Variants in TLK1 observed in about 807,000 individuals in gnomAD.
TLK1 encodes tousled like kinase 1.
TLK1 carries 24 observed loss-of-function variants against 105.3 expected under a neutral mutation model. That is an observed-to-expected ratio of 0.23 (90% CI 0.17 to 0.32). The LOEUF is 0.32. Among genes scored for constraint, TLK1 ranks in the 10% least tolerant of loss-of-function variants. TLK1 has a pLI of 1.00. For synonymous variants in TLK1, 321 were observed against 310.4 expected (o/e 1.03, Z -0.36); for missense variants, 558 against 910.5 (o/e 0.61, Z 4.98).
chr2:171,061,029 C>T, intron 4 of TLK1, 52 bp downstream of exon 4: 1 of 1,524,398 alleles, frequency 6.6e-7, no homozygotes, highest in Non-Finnish European at 9.0e-7. Context: ...AAAATTAAAA[C>T]AATTAATTTT....
rs139561185 is a variant in TLK1 at position 171,212,208 on chromosome 2, G to T, written c.-6+18937C>A. Among the ~76,000 whole-genome samples the T allele has an allele frequency of 1.4e-3, 206 of 152,018 alleles. 3 individuals carry two copies. The East Asian group carries it at 0.026, about 20-fold the overall frequency. On this transcript the variant is annotated intron_variant, in intron 1 of 20. Coordinates refer to the TLK1 transcript ENST00000521943. ...CAGAAATCAATTAACATCTGCATAAGCTCAGCCTGGCCACTCCAGCAGCTG... is the reference window on the plus strand; with the variant it reads ...CAGAAATCAATTAACATCTGCATAATCTCAGCCTGGCCACTCCAGCAGCTG...
chr2:171,064,924 T>C (rs1426634024), intron 3 of TLK1, among the ~76,000 whole-genome samples: 1 of 152,210 alleles, frequency 6.6e-6, no homozygotes, highest in Non-Finnish European at 1.5e-5. Context: ...TCAAGAAGTG[T>C]AGTGATATAA....
intron 1 of TLK1, among the ~76,000 whole-genome samples, chr2:171,118,510 C>T (rs1467027313): frequency 1.3e-5 from 2 of 152,074 alleles, no homozygotes; most frequent in African/African-American, 2.4e-5. Flanking sequence ...AACACAAACA[C>T]GTTTACCACA....
At position 171,022,086 on chromosome 2, in the gene TLK1, A is replaced by ACACACACAC. The variant is rs1553605633; in HGVS notation, c.1236+6252_1236+6253insGTGTGTGTG. On this transcript the variant is annotated intron_variant, in intron 12 of 20. Transcript: ENST00000431350. ...CCACCACACTCCAGCCTGGGCGAAAAACACACACACACACACACACACACA... is the reference window on the plus strand; with the variant it reads ...CCACCACACTCCAGCCTGGGCGAAAACACACACACACACACACACACACACACACACACA... Among the ~76,000 whole-genome samples the ACACACACAC allele has an allele frequency of 7.0e-3, 719 of 103,074 alleles. 11 individuals carry two copies. The highest frequency in any genetic ancestry group is 7.0e-3 in the Non-Finnish European group (325 of 46,242). 67.6% of individuals were successfully genotyped at this position (103,074 alleles called of 152,430 possible). A position where few individuals can be genotyped will look rare whatever the true frequency, so the allele number is the denominator to read the frequency against.
intron 11 of TLK1, among the ~76,000 whole-genome samples, chr2:171,029,318 G>T (rs985656056): frequency 1.8e-4 from 27 of 152,240 alleles, no homozygotes; most frequent in African/African-American, 6.0e-4. Flanking sequence ...ATAAAAAAAT[G>T]CTAAAACTTT....
chr2:171,210,332 CGGCTATAGGAGAGAATGAA>C (rs1337546148), intron 1 of TLK1, among the ~76,000 whole-genome samples: 2 of 151,040 alleles, frequency 1.3e-5, no homozygotes, highest in East Asian at 3.9e-4. Context: ...GGCTAGAATG[CGGCTATAGGAGAGAATGAA>C]CTCCTGGGCT....
chr2:171,141,990 G>A (rs1691594701), intron 1 of TLK1, among the ~76,000 whole-genome samples: 1 of 152,048 alleles, frequency 6.6e-6, no homozygotes, highest in South Asian at 2.1e-4. Context: ...TAAACTATCT[G>A]GCAATAGTAT....
At chr2:171,180,540 T>C (rs1677875673) in intron 1 of TLK1, among the ~76,000 whole-genome samples, 1 of 152,230 alleles carries the variant, frequency 6.6e-6, no homozygotes, top group Admixed American at 6.5e-5. Context: ...TTAAATTTTA[T>C]ATATACTTTT....
At chr2:171,123,990 T>C (rs1690768110) in intron 1 of TLK1, among the ~76,000 whole-genome samples, 1 of 152,246 alleles carries the variant, frequency 6.6e-6, no homozygotes, top group South Asian at 2.1e-4. Flanking sequence ...TCATTTGATA[T>C]TTGCCTTTCA....
At chr2:171,131,563 A>C (rs1691107946) in intron 1 of TLK1, among the ~76,000 whole-genome samples, 1 of 152,192 alleles carries the variant, frequency 6.6e-6, no homozygotes, top group South Asian at 2.1e-4. Flanking sequence ...ACTTCTTTCA[A>C]TTATTATATT....
intron 11 of TLK1, among the ~76,000 whole-genome samples, chr2:171,039,054 A>G (rs1686520719): frequency 6.6e-6 from 1 of 152,138 alleles, no homozygotes; most frequent in Non-Finnish European, 1.5e-5. Context: ...TCAACCTTTT[A>G]TAACAACCAC....
Position 171,050,075 on chromosome 2 carries a change from G to C in TLK1, c.832C>G (p.Leu278Val), listed in dbSNP as rs564665685. The change falls in exon 9 of 21, where the codon CTT becomes GTT. Residue 278 changes from leucine to valine, a missense_variant. Leu to Val is a conservative substitution (Grantham distance 32, BLOSUM62 1). This residue lies in a region of TLK1 where 196 missense variants were observed against 239.3 expected (regional missense o/e 0.82). Coordinates refer to ENST00000431350, the MANE Select transcript of TLK1 (RefSeq NM_012290.5). ...AACTTTTAGCCTACCTTTTCAATAA[G>C]AAGTTTCTTGCTCATTGATATGCAC... ...NKCISMSKKL[L>V]IEKSTQEKLS... 3 of 1,602,848 alleles carry C rather than the reference G, an allele frequency of 1.9e-6. No individual in the cohort carries two copies. Among genetic ancestry groups the C allele is most frequent in the Non-Finnish European group, 2.6e-6 (3 of 1,173,224 alleles).
chr2:171,115,127 A>C (rs1690353776), intron 2 of TLK1, among the ~76,000 whole-genome samples: 1 of 151,354 alleles, frequency 6.6e-6, no homozygotes, highest in African/African-American at 2.4e-5. Flanking sequence ...TTATCTTTCA[A>C]GTACTGCATC....
chr2:171,011,363 C>T lies in TLK1; in HGVS notation c.1416+10G>A, dbSNP rs745668724. The T allele has an allele frequency of 2.5e-6, 4 of 1,592,518 alleles. No individual in the cohort carries two copies. In the South Asian group the frequency reaches 4.6e-5, roughly 18 times the overall value. ...TTAGTGTAAAAAAAACAGAATAAAACATACATTACCTTATACACTTCACTA... is the reference window on the plus strand; with the variant it reads ...TTAGTGTAAAAAAAACAGAATAAAATATACATTACCTTATACACTTCACTA... On this transcript the variant is annotated intron_variant, in intron 14 of 20. Transcript: ENST00000431350.
At chr2:171,101,804 T>TA (rs1486723923) in intron 2 of TLK1, among the ~76,000 whole-genome samples, 1 of 152,026 alleles carries the variant, frequency 6.6e-6, no homozygotes, top group Non-Finnish European at 1.5e-5. Context: ...TAGGTTTTTT[T>TA]AAAAAACACC....
intron 20 of TLK1, among the ~76,000 whole-genome samples, chr2:170,994,160 C>T (rs183296681): frequency 1.3e-5 from 2 of 152,252 alleles, no homozygotes; most frequent in Admixed American, 6.5e-5. Flanking sequence ...TGCAGTGGTT[C>T]ACTTTACAGT....
chr2:171,218,858 G>C (rs1693759724), intron 1 of TLK1, among the ~76,000 whole-genome samples: 1 of 152,194 alleles, frequency 6.6e-6, no homozygotes, highest in Non-Finnish European at 1.5e-5. Context: ...TAGACATTAA[G>C]TTTCAACCTA....
At chr2:171,128,417 T>C (rs908082589) in intron 1 of TLK1, among the ~76,000 whole-genome samples, 3 of 152,176 alleles carry the variant, frequency 2.0e-5, no homozygotes, top group African/African-American at 7.2e-5. Context: ...ACATACCTTA[T>C]AGAGTTGTTA....
At chr2:171,182,936 AAAGAAAG>A (rs1327542616) in intron 1 of TLK1, among the ~76,000 whole-genome samples, 63 of 119,300 alleles carry the variant, frequency 5.3e-4, no homozygotes, top group African/African-American at 2.6e-3. Flanking sequence ...AAAAAAAAAA[AAAGAAAG>A]AAAGAAAGAA....
Sources: allele counts gnomAD v4.1 joint callset (sites outside exome capture counted in the v4.1 genomes callset), GRCh38; gene constraint gnomAD v4.1.1; regional missense constraint gnomAD v4.1.1; transcripts MANE v1.5; gene names NCBI Gene and HGNC (gene_info 2026-07-23, HGNC 2026-07-21).